Variants in PTPRD observed in about 807,000 individuals in gnomAD.
PTPRD encodes receptor-type tyrosine-protein phosphatase delta.
Under a neutral mutation model 214.5 loss-of-function variants are expected in PTPRD, and 34 were observed. The ratio of observed to expected loss-of-function variants is 0.16; its 90% confidence interval spans 0.12 to 0.21. The LOEUF (loss-of-function observed/expected upper bound fraction) is 0.21, where lower values mean the gene tolerates loss of function less well. PTPRD is among the 10% of genes least tolerant of loss of function. The pLI, the probability that PTPRD is intolerant of heterozygous loss-of-function variation, is 1.00. For synonymous variants in PTPRD, 1,128 were observed against 845.7 expected (o/e 1.33, Z -5.79); for missense variants, 2,545 against 2,398.7 (o/e 1.06, Z -1.27).
chr9:9,793,503 G>C (rs115546788), intron 5 of PTPRD, among the ~76,000 whole-genome samples: 1,897 of 152,178 alleles, frequency 0.012, 45 homozygotes, highest in African/African-American at 0.044. Flanking sequence ...TGGACGGACA[G>C]ATAGATATGT....
intron 10 of PTPRD, among the ~76,000 whole-genome samples, chr9:9,138,451 A>G (rs2099854508): frequency 6.6e-6 from 1 of 152,196 alleles, no homozygotes; most frequent in South Asian, 2.1e-4. Flanking sequence ...GGAAGTTCTT[A>G]CTTTTAGAAT....
chr9:8,758,898 G>C (rs1052790872), intron 11 of PTPRD, among the ~76,000 whole-genome samples: 10 of 152,072 alleles, frequency 6.6e-5, no homozygotes, highest in African/African-American at 2.4e-4. Context: ...TGTTAGCCAG[G>C]ATGGTCTCGA....
At chr9:8,940,464 G>GTTT (rs2099026395) in intron 11 of PTPRD, among the ~76,000 whole-genome samples, 1 of 104,362 alleles carries the variant, frequency 9.6e-6, no homozygotes, top group Non-Finnish European at 1.9e-5. Context: ...TTTTTTTTTT[G>GTTT]GTATTTTTAA....
intron 3 of PTPRD, among the ~76,000 whole-genome samples, chr9:10,194,643 T>A (rs1346160503): frequency 6.9e-6 from 1 of 144,890 alleles, no homozygotes; most frequent in African/African-American, 2.5e-5. Context: ...TTATTTCTCC[T>A]ATGTAAAACT....
chr9:10,033,837 T>C (rs1034359119), intron 3 of PTPRD, 47 bp from the exon 4 acceptor site: 1 of 152,148 alleles, frequency 6.6e-6, no homozygotes, highest in Non-Finnish European at 1.5e-5. Context: ...TCTCTGGCAG[T>C]TGTATTATGT....
chr9:9,355,150 T>C (rs61522863), intron 9 of PTPRD, among the ~76,000 whole-genome samples: 1 of 151,758 alleles, frequency 6.6e-6, no homozygotes, highest in African/African-American at 2.4e-5. Flanking sequence ...ATCACCACAA[T>C]CCAGGTAATA....
intron 3 of PTPRD, among the ~76,000 whole-genome samples, chr9:10,275,965 G>T (rs771253450): frequency 1.3e-5 from 2 of 152,114 alleles, no homozygotes; most frequent in Non-Finnish European, 2.9e-5. Context: ...CCTCTTTCAG[G>T]CTACAGTGTT....
At chr9:9,318,160 A>G (rs937992660) in intron 9 of PTPRD, among the ~76,000 whole-genome samples, 5 of 151,922 alleles carry the variant, frequency 3.3e-5, no homozygotes, top group African/African-American at 1.2e-4. Context: ...AACAAGAGTG[A>G]AAACTCCATC....
At chr9:9,110,509 C>T (rs936091418) in intron 10 of PTPRD, among the ~76,000 whole-genome samples, 5 of 152,072 alleles carry the variant, frequency 3.3e-5, no homozygotes, top group Non-Finnish European at 7.4e-5. Flanking sequence ...ATGTGACTCA[C>T]CTCTTCTTCT....
chr9:9,059,923 C>T (rs1289144024), intron 10 of PTPRD, among the ~76,000 whole-genome samples: 4 of 151,956 alleles, frequency 2.6e-5, no homozygotes, highest in South Asian at 2.1e-4. Flanking sequence ...TGGAGGGTTA[C>T]CCCATATTTA....
At chr9:9,338,965 C>T (rs1054748207) in intron 9 of PTPRD, among the ~76,000 whole-genome samples, 2 of 152,052 alleles carry the variant, frequency 1.3e-5, no homozygotes, top group African/African-American at 4.8e-5. Context: ...TGAGAAAAAT[C>T]GCAAGATTCC....
intron 2 of PTPRD, among the ~76,000 whole-genome samples, chr9:10,527,471 T>G (rs1396285948): frequency 6.6e-6 from 1 of 152,130 alleles, no homozygotes; most frequent in African/African-American, 2.4e-5. Context: ...TCCAAATGCA[T>G]TAGGTAGACT....
At chr9:10,509,580 T>TATATATATATATATATATATATATA (rs1491395020) in intron 2 of PTPRD, among the ~76,000 whole-genome samples, 98 of 134,922 alleles carry the variant, frequency 7.3e-4, no homozygotes, top group East Asian at 1.6e-3. Context: ...TATATATATA[T>TATATATATATATATATATATATATA]TTTACTCACT....
chr9:8,332,178 A>T (rs1421445520), intron 43 of PTPRD, among the ~76,000 whole-genome samples: 1 of 152,228 alleles, frequency 6.6e-6, no homozygotes, highest in Non-Finnish European at 1.5e-5. Flanking sequence ...TATTGAAACA[A>T]GCACCTAGGC....
At chr9:10,381,134 G>A (rs897556471) in intron 2 of PTPRD, among the ~76,000 whole-genome samples, 1 of 151,084 alleles carries the variant, frequency 6.6e-6, no homozygotes, top group Non-Finnish European at 1.5e-5. Context: ...CCCAAACCCT[G>A]TATTATTTTT....
At chr9:8,530,244 T>G (rs759654283) in intron 14 of PTPRD, among the ~76,000 whole-genome samples, 2 of 152,002 alleles carry the variant, frequency 1.3e-5, no homozygotes, top group Non-Finnish European at 2.9e-5. Flanking sequence ...GTAAACTCAG[T>G]CTCCTAAACC....
intron 5 of PTPRD, among the ~76,000 whole-genome samples, chr9:9,900,728 C>T (rs2076213892): frequency 6.6e-6 from 1 of 151,024 alleles, no homozygotes; most frequent in Non-Finnish European, 1.5e-5. Flanking sequence ...CCTCTGCCTC[C>T]CAGCTTCAAG....
rs181033834 is a variant in PTPRD at position 9,353,252 on chromosome 9, C to G, written c.-203+44197G>C. On this transcript the variant is annotated intron_variant, in intron 9 of 45. Transcript: ENST00000381196. ...GTCTGTTACCAAACTCTTAAAGTAA[C>G]ATTTTCAGTGCAGAAGTCAATATTA... Among the ~76,000 whole-genome samples, 584 of 151,948 alleles carry G rather than the reference C, an allele frequency of 3.8e-3. 6 individuals carry two copies. Among genetic ancestry groups the G allele is most frequent in the African/African-American group, 0.013 (545 of 41,480 alleles).
chr9:8,921,657 C>G (rs1156623107), intron 11 of PTPRD, among the ~76,000 whole-genome samples: 2 of 151,938 alleles, frequency 1.3e-5, no homozygotes, highest in East Asian at 3.9e-4. Flanking sequence ...CCACACTCAG[C>G]TAATTTTTGT....
Sources: gnomAD v4.1 joint callset for allele counts (sites outside exome capture counted in the v4.1 genomes callset) on GRCh38, gnomAD v4.1.1 for gene constraint, MANE v1.5 for transcripts, NCBI Gene and HGNC (gene_info 2026-07-23, HGNC 2026-07-21) for gene names.